Variants in SS18 observed in about 807,000 individuals in gnomAD.
The protein encoded by SS18 is protein SSXT.
In SS18, 28 loss-of-function variants were observed where a neutral mutation model predicts 72.5. The observed-to-expected ratio is 0.39, with a 90% CI of 0.29 to 0.53. The LOEUF is 0.53. Ranked by LOEUF, SS18 falls within the 20% of genes least tolerant of loss-of-function variation. The probability of loss-of-function intolerance (pLI) is 0.76; values close to 1 mark genes in which losing one functional copy is unlikely to be tolerated. For synonymous variants in SS18, 172 were observed against 164.2 expected, an observed-to-expected ratio of 1.05 and a Z score of -0.37; for missense variants, 518 against 535.3, an observed-to-expected ratio of 0.97 and a Z score of 0.32.
intron 3 of SS18, among the ~76,000 whole-genome samples, chr18:26,059,162 A>C (rs2054076048): frequency 6.6e-6 from 1 of 152,352 alleles, no homozygotes; most frequent in Non-Finnish European, 1.5e-5. Flanking sequence ...TCAGCTAAAT[A>C]AAACTCATAA....
intron 10 of SS18, among the ~76,000 whole-genome samples, chr18:26,024,438 C>T (rs947352132): frequency 4.6e-5 from 7 of 152,188 alleles, no homozygotes; most frequent in Non-Finnish European, 7.3e-5. Context: ...AATCTTCTGC[C>T]TCAGCCTCCT....
chr18:26,088,786 C>G (rs899146672), intron 1 of SS18, among the ~76,000 whole-genome samples: 1 of 152,034 alleles, frequency 6.6e-6, no homozygotes, highest in Admixed American at 6.6e-5. Context: ...AGTATTAGCA[C>G]AATACCATAA....
rs777864191 is a variant in SS18 at position 26,052,649 on chromosome 18, T to C, written c.582A>G (p.Pro194=). ...GQPMGNYGPR[P]NMSMQPNQGP... ...CTTGGTTTGGCTGCATACTCATATT[T>C]GGTCTGGGACCATAGTTTCCCATTG... Residue 194 remains proline, a synonymous_variant, in exon 5 of 11, where the codon CCA becomes CCG. Transcript: ENST00000415083. 3 of 1,613,992 alleles carry C rather than the reference T, an allele frequency of 1.9e-6. No homozygotes were observed. Among genetic ancestry groups the C allele is most frequent in the Non-Finnish European group, 2.5e-6 (3 of 1,179,950 alleles).
chr18:26,065,929 T>G, intron 3 of SS18, among the ~76,000 whole-genome samples: 1 of 150,804 alleles, frequency 6.6e-6, no homozygotes, highest in East Asian at 1.9e-4. Context: ...GGGATAAACA[T>G]TGTTATCTTG....
intron 10 of SS18, among the ~76,000 whole-genome samples, chr18:26,031,471 A>G (rs1420980421): frequency 6.6e-6 from 1 of 152,228 alleles, no homozygotes; most frequent in Non-Finnish European, 1.5e-5. Flanking sequence ...CTTATTTTAG[A>G]TAGCTTAAGT....
intron 5 of SS18, among the ~76,000 whole-genome samples, chr18:26,043,333 T>C (rs905036915): frequency 2.0e-5 from 3 of 152,180 alleles, no homozygotes; most frequent in African/African-American, 4.8e-5. Context: ...TCTATCACTG[T>C]AATATAAAAA....
rs530820369 is a variant in SS18 at position 26,090,575 on chromosome 18, C to A, written c.-6G>T. On this transcript the variant is annotated 5_prime_UTR_variant, in exon 1 of 11. Transcript: ENST00000415083. ...GCCGCGAAAGCCACAGACATGTTGC[C>A]GCCGTCACCACTATCGGCAAGTCCC... 2.5e-6 allele frequency: 4 copies of A among 1,579,086 alleles called. No individual in the cohort carries two copies. The highest frequency in any genetic ancestry group is 1.8e-5 in the Admixed American group (1 of 56,206).
chr18:26,059,912 G>A (rs2054089629), intron 3 of SS18, among the ~76,000 whole-genome samples: 1 of 152,160 alleles, frequency 6.6e-6, no homozygotes, highest in African/African-American at 2.4e-5. Context: ...CAAGTGTTGT[G>A]AACAATGTAT....
chr18:26,091,002 G>A (rs1007219918), upstream of SS18: 4 of 218,960 alleles, frequency 1.8e-5, no homozygotes, highest in South Asian at 6.9e-5. Flanking sequence ...GTGGCAACTT[G>A]CCTCCCTCTC....
At chr18:26,033,679 A>G (rs903573586) in intron 9 of SS18, among the ~76,000 whole-genome samples, 19 of 152,060 alleles carry the variant, frequency 1.2e-4, no homozygotes, top group African/African-American at 4.6e-4. Context: ...TATATATTCA[A>G]TTATTAAAAC....
At chr18:26,049,050 T>C (rs1483569543) in intron 5 of SS18, among the ~76,000 whole-genome samples, 1 of 152,166 alleles carries the variant, frequency 6.6e-6, no homozygotes, top group Non-Finnish European at 1.5e-5. Context: ...CATATCCAAA[T>C]CTGAAGAATT....
intron 10 of SS18, among the ~76,000 whole-genome samples, chr18:26,018,758 C>G (rs758798092): frequency 2.0e-5 from 3 of 152,154 alleles, no homozygotes; most frequent in Non-Finnish European, 4.4e-5. Context: ...GCTAGTGTGA[C>G]AACTTTGTGA....
intron 10 of SS18, among the ~76,000 whole-genome samples, chr18:26,025,406 G>A (rs897354913): frequency 6.6e-6 from 1 of 151,930 alleles, no homozygotes; most frequent in African/African-American, 2.4e-5. Flanking sequence ...AAAAGCAAAT[G>A]GGCAAAAGGC....
At chr18:26,042,291 A>G (rs2053741921) in intron 5 of SS18, among the ~76,000 whole-genome samples, 1 of 152,192 alleles carries the variant, frequency 6.6e-6, no homozygotes, top group Admixed American at 6.5e-5. Flanking sequence ...CAATGGTATC[A>G]TACATTACTA....
intron 3 of SS18, among the ~76,000 whole-genome samples, chr18:26,070,375 A>G (rs1004067622): frequency 6.6e-6 from 1 of 152,198 alleles, no homozygotes; most frequent in Non-Finnish European, 1.5e-5. Flanking sequence ...CTTGGCTGTC[A>G]GGTAACACTG....
chr18:26,039,075 A>G (rs1180459684), intron 6 of SS18, among the ~76,000 whole-genome samples: 1 of 150,404 alleles, frequency 6.6e-6, no homozygotes, highest in East Asian at 2.0e-4. Context: ...TCGATATAAA[A>G]TTGTATGGTA....
chr18:26,030,093 C>A (rs1354660163), intron 10 of SS18, among the ~76,000 whole-genome samples: 1 of 152,182 alleles, frequency 6.6e-6, no homozygotes, highest in Non-Finnish European at 1.5e-5. Context: ...CAAGTGCTAG[C>A]CACTGCTACA....
At chr18:26,064,767 G>A (rs890827669) in intron 3 of SS18, 1 of 151,606 alleles carries the variant, frequency 6.6e-6, no homozygotes, top group Non-Finnish European at 1.5e-5. Context: ...AAGACTAAAA[G>A]AAAATAGAAA....
Position 26,035,110 on chromosome 18 carries a change from G to C in SS18, c.991C>G (p.Gln331Glu). 1 of 1,612,926 alleles carries C rather than the reference G, an allele frequency of 6.2e-7. No homozygotes were observed. The highest frequency in any genetic ancestry group is 8.5e-7 in the Non-Finnish European group (1 of 1,179,476). ...GGTCCCTGGTATGCATCTTGCTGTT[G>C]GCCATACTGTGAATTTCCTACAGGA... ...YYEGGNSQYG[Q>E]QQDAYQGPPP... Residue 331 changes from glutamine (Q) to glutamate (E), a missense_variant, in exon 9 of 11, where the codon CAA becomes GAA. Coordinates refer to ENST00000415083, the MANE Select transcript of SS18 (RefSeq NM_001007559.3). The surrounding 1 kb of genome is among the most constrained non-coding windows in gnomAD (Gnocchi z 4.4).
Sources: allele counts gnomAD v4.1 joint callset (sites outside exome capture counted in the v4.1 genomes callset), GRCh38; gene constraint gnomAD v4.1.1; non-coding constraint Gnocchi (gnomAD v3.1); transcripts MANE v1.5; gene names NCBI Gene and HGNC (gene_info 2026-07-23, HGNC 2026-07-21).